SCMH1: variants seen among roughly 807,000 people sequenced by gnomAD.
The protein encoded by SCMH1 is Scm polycomb group protein homolog 1.
Under a neutral mutation model 70.8 loss-of-function variants are expected in SCMH1, and 37 were observed. The ratio of observed to expected loss-of-function variants is 0.52; its 90% confidence interval spans 0.40 to 0.69. The LOEUF is 0.69. Ranked by LOEUF, SCMH1 falls within the 30% of genes least tolerant of loss-of-function variation. SCMH1 has a pLI of 0.00. For synonymous variants in SCMH1, 292 were observed against 307.4 expected, an observed-to-expected ratio of 0.95 and a Z score of 0.52; for missense variants, 607 against 827.3, an observed-to-expected ratio of 0.73 and a Z score of 3.27.
chr1:41,034,741 C>G (rs1292865318), intron 13 of SCMH1, among the ~76,000 whole-genome samples: 1 of 152,168 alleles, frequency 6.6e-6, no homozygotes, highest in East Asian at 1.9e-4. Context: ...AAGTGACATT[C>G]TCCTGGCTCC....
At chr1:41,028,650 A>G (rs770058621) in exon 14 of SCMH1, 12 of 1,614,010 alleles carry the variant, frequency 7.4e-6, no homozygotes, top group Middle Eastern at 1.6e-4. Flanking sequence ...ACTGCATCAC[A>G]TCCTCGACTG....
chr1:41,176,180 C>CAAAAAAAACA (rs1342770029), intron 2 of SCMH1, among the ~76,000 whole-genome samples: 2 of 71,286 alleles, frequency 2.8e-5, no homozygotes, highest in Non-Finnish European at 5.9e-5. Flanking sequence ...AAAAAAAAAC[C>CAAAAAAAACA]AAAAAAAACA....
At chr1:41,030,325 C>G (rs1644344545) in intron 13 of SCMH1, among the ~76,000 whole-genome samples, 1 of 152,220 alleles carries the variant, frequency 6.6e-6, no homozygotes, top group African/African-American at 2.4e-5. Flanking sequence ...GAACTCCTTC[C>G]TGTGCTTGCC....
chr1:41,093,526 TA>T (rs989728950), intron 8 of SCMH1, among the ~76,000 whole-genome samples: 3 of 152,092 alleles, frequency 2.0e-5, no homozygotes, highest in East Asian at 3.8e-4. Flanking sequence ...ATAATAATAA[TA>T]AAAAAAGTTA....
At chr1:41,122,376 C>T (rs1672166082) in intron 6 of SCMH1, among the ~76,000 whole-genome samples, 1 of 152,156 alleles carries the variant, frequency 6.6e-6, no homozygotes, top group South Asian at 2.1e-4. Context: ...AAAGGTGTTC[C>T]TTGACTACTT....
At chr1:41,221,301 G>C (rs1659205220) in intron 1 of SCMH1, among the ~76,000 whole-genome samples, 1 of 152,136 alleles carries the variant, frequency 6.6e-6, no homozygotes, top group Non-Finnish European at 1.5e-5. Context: ...AATTGGGGAA[G>C]ATGAAAGCAT....
At chr1:41,214,540 G>T (rs994945968) in intron 1 of SCMH1, among the ~76,000 whole-genome samples, 5 of 152,002 alleles carry the variant, frequency 3.3e-5, no homozygotes, top group Non-Finnish European at 7.4e-5. Flanking sequence ...TTGAATAGTA[G>T]TTATTTAATA....
chr1:41,029,774 T>C (rs1644264706), intron 13 of SCMH1, among the ~76,000 whole-genome samples: 1 of 152,354 alleles, frequency 6.6e-6, no homozygotes, highest in South Asian at 2.1e-4. Context: ...AGTTCCTTTA[T>C]GAAACTTTTC....
At chr1:41,139,566 CTAAA>C (rs1158933986) in intron 6 of SCMH1, among the ~76,000 whole-genome samples, 1 of 152,044 alleles carries the variant, frequency 6.6e-6, no homozygotes, top group East Asian at 1.9e-4. Flanking sequence ...TCAAATGCTT[CTAAA>C]TAGTGATTCA....
At chr1:41,163,248 A>AT (rs1553161817) in intron 2 of SCMH1, among the ~76,000 whole-genome samples, 2 of 152,178 alleles carry the variant, frequency 1.3e-5, no homozygotes, top group Non-Finnish European at 2.9e-5. Flanking sequence ...GGAGCTGCCC[A>AT]CTTGCGGCAG....
chr1:41,083,921 G>A (rs374433702), intron 8 of SCMH1, among the ~76,000 whole-genome samples: 24 of 152,204 alleles, frequency 1.6e-4, no homozygotes, highest in Admixed American at 2.6e-4. Context: ...CTGGCTGGCC[G>A]TATGTAGAAA....
intron 5 of SCMH1, 115 bp downstream of exon 5, chr1:41,151,499 A>C: frequency 4.6e-6 from 3 of 658,082 alleles, no homozygotes; most frequent in Non-Finnish European, 7.7e-6. Flanking sequence ...ATAGAAGTTT[A>C]TTCTGGGGCC....
intron 9 of SCMH1, among the ~76,000 whole-genome samples, chr1:41,072,291 TGAGTTGGTGG>T (rs1376701957): frequency 1.3e-5 from 2 of 152,220 alleles, no homozygotes; most frequent in Non-Finnish European, 2.9e-5. Context: ...TCAACTTCAA[TGAGTTGGTGG>T]TAGGATTTCA....
chr1:41,151,512 C>G, intron 5 of SCMH1, 102 bp downstream of exon 5: 1 of 802,418 alleles, frequency 1.2e-6, no homozygotes, highest in Non-Finnish European at 2.0e-6. Context: ...CTGGGGCCCT[C>G]AGGTAAGAAG....
intron 12 of SCMH1, among the ~76,000 whole-genome samples, chr1:41,042,857 A>G (rs1485932270): frequency 6.6e-6 from 1 of 152,182 alleles, no homozygotes; most frequent in Non-Finnish European, 1.5e-5. Context: ...TGATGACCTA[A>G]AGTAAAACAA....
At chr1:41,117,586 T>C (rs1670829299) in intron 6 of SCMH1, among the ~76,000 whole-genome samples, 1 of 152,210 alleles carries the variant, frequency 6.6e-6, no homozygotes, top group Non-Finnish European at 1.5e-5. Context: ...CCTGCAGTTA[T>C]CCAAAGGTCT....
intron 11 of SCMH1, 73 bp from the exon 12 acceptor site, chr1:41,046,671 G>A: frequency 8.6e-7 from 1 of 1,168,204 alleles, no homozygotes; most frequent in Non-Finnish European, 1.3e-6. Context: ...GACGAGTCCA[G>A]CCCACTGCTT....
chr1:41,198,927 C>T (rs1173114480), intron 1 of SCMH1, among the ~76,000 whole-genome samples: 4 of 152,094 alleles, frequency 2.6e-5, no homozygotes, highest in Non-Finnish European at 5.9e-5. Context: ...CCTGACTGAC[C>T]TAAACTCCTC....
intron 5 of SCMH1, among the ~76,000 whole-genome samples, chr1:41,150,153 A>C (rs930345422): frequency 1.3e-5 from 2 of 152,062 alleles, no homozygotes; most frequent in Admixed American, 1.3e-4. Flanking sequence ...AGCTCAACTC[A>C]TTTGTTTTCT....
Sources: allele counts gnomAD v4.1 joint callset (sites outside exome capture counted in the v4.1 genomes callset), GRCh38; gene constraint gnomAD v4.1.1; transcripts MANE v1.5; gene names NCBI Gene and HGNC (gene_info 2026-07-23, HGNC 2026-07-21).